The following GNAO1 variants were observed in gnomAD, a reference collection of about 807,000 sequenced individuals.
The protein encoded by GNAO1 is guanine nucleotide-binding protein G(o) subunit alpha.
For missense variants in GNAO1, 166 were observed against 478.7 expected (o/e 0.35, Z 6.10); for synonymous variants, 164 against 180.7 (o/e 0.91, Z 0.74).
intron 3 of GNAO1, among the ~76,000 whole-genome samples, chr16:56,318,447 C>T (rs1377015726): frequency 2.0e-5 from 3 of 152,320 alleles, no homozygotes; most frequent in Admixed American, 2.0e-4. Context: ...TCTGGCTCGG[C>T]GGGTCCAGCT....
intron 2 of GNAO1, among the ~76,000 whole-genome samples, chr16:56,268,225 A>G (rs1255710178): frequency 6.6e-6 from 1 of 152,234 alleles, no homozygotes; most frequent in Non-Finnish European, 1.5e-5. Context: ...GTGGCAAAGG[A>G]GGCAGGGAAA....
chr16:56,314,656 G>C (rs1425496378), intron 3 of GNAO1, among the ~76,000 whole-genome samples: 1 of 152,204 alleles, frequency 6.6e-6, no homozygotes, highest in East Asian at 1.9e-4. Flanking sequence ...CGAGTCCAGC[G>C]CCGGCGCCTG....
At chr16:56,349,729 G>T (rs1420658635) in intron 6 of GNAO1, among the ~76,000 whole-genome samples, 1 of 152,184 alleles carries the variant, frequency 6.6e-6, no homozygotes, top group African/African-American at 2.4e-5. Context: ...AGCTGTCCAG[G>T]TGCCCCTGAG....
intron 3 of GNAO1, among the ~76,000 whole-genome samples, chr16:56,285,285 G>A (rs1484212072): frequency 6.7e-6 from 1 of 149,422 alleles, no homozygotes. Flanking sequence ...TAATGACTCT[G>A]CTCTGATGGT....
chr16:56,243,680 G>A (rs1274316036), intron 2 of GNAO1, among the ~76,000 whole-genome samples: 2 of 148,158 alleles, frequency 1.3e-5, no homozygotes, highest in African/African-American at 2.6e-5. Context: ...GAGGCTACAG[G>A]GTTATTTTTT....
intron 2 of GNAO1, among the ~76,000 whole-genome samples, chr16:56,211,746 C>G (rs193192356): frequency 6.6e-6 from 1 of 152,182 alleles, no homozygotes; most frequent in African/African-American, 2.4e-5. Flanking sequence ...AATTTATGGT[C>G]GCAGTGCTTC....
intron 6 of GNAO1, chr16:56,345,194 C>T: frequency 4.1e-6 from 4 of 985,776 alleles, no homozygotes; most frequent in Non-Finnish European, 4.8e-6. Context: ...GCAACCAACA[C>T]ACCTCTCCCA....
At chr16:56,241,095 G>T (rs1409873208) in intron 2 of GNAO1, among the ~76,000 whole-genome samples, 1 of 152,246 alleles carries the variant, frequency 6.6e-6, no homozygotes, top group African/African-American at 2.4e-5. Flanking sequence ...GAACCAAGCA[G>T]TCCTGCCACT....
intron 2 of GNAO1, among the ~76,000 whole-genome samples, chr16:56,214,850 C>G (rs1221575131): frequency 6.6e-6 from 1 of 152,260 alleles, no homozygotes; most frequent in African/African-American, 2.4e-5. Flanking sequence ...GGCCTGGGCC[C>G]CCTCACTGCC....
chr16:56,349,308 GCTCT>G (rs1267306341), intron 6 of GNAO1, among the ~76,000 whole-genome samples: 1 of 152,208 alleles, frequency 6.6e-6, no homozygotes, highest in Non-Finnish European at 1.5e-5. Context: ...TGGGTTTCCA[GCTCT>G]CTGTTAGGCA....
intron 3 of GNAO1, among the ~76,000 whole-genome samples, chr16:56,295,622 TC>T (rs2037280202): frequency 6.6e-6 from 1 of 152,150 alleles, no homozygotes; most frequent in Non-Finnish European, 1.5e-5. Flanking sequence ...GACTCCTCCT[TC>T]CCCTCCATGT....
At chr16:56,266,924 T>A (rs1344865251) in intron 2 of GNAO1, among the ~76,000 whole-genome samples, 2 of 152,148 alleles carry the variant, frequency 1.3e-5, no homozygotes, top group African/African-American at 4.8e-5. Flanking sequence ...TTTGGGCTGC[T>A]GCAGTTCCTA....
intron 2 of GNAO1, among the ~76,000 whole-genome samples, chr16:56,256,347 C>G (rs1264024930): frequency 6.6e-6 from 1 of 152,162 alleles, no homozygotes; most frequent in Non-Finnish European, 1.5e-5. Flanking sequence ...TTTCTACCTG[C>G]GCTCCATTAC....
intron 3 of GNAO1, among the ~76,000 whole-genome samples, chr16:56,304,016 C>G (rs1353645747): frequency 6.6e-6 from 1 of 152,210 alleles, no homozygotes; most frequent in Admixed American, 6.5e-5. Context: ...CCTACCAAGC[C>G]CTACCAAGTT....
chr16:56,228,574 G>T (rs1401359399), intron 2 of GNAO1, among the ~76,000 whole-genome samples: 2 of 152,034 alleles, frequency 1.3e-5, no homozygotes, highest in African/African-American at 4.8e-5. Context: ...TGCCCCTATG[G>T]ATCCTGACTC....
At chr16:56,293,183 T>A (rs2143564355) in intron 3 of GNAO1, among the ~76,000 whole-genome samples, 1 of 152,350 alleles carries the variant, frequency 6.6e-6, no homozygotes, top group Non-Finnish European at 1.5e-5. Context: ...GAAGAAGAGA[T>A]GAAATACTTT....
chr16:56,321,928 G>T (rs530742596), intron 3 of GNAO1, among the ~76,000 whole-genome samples: 1 of 152,216 alleles, frequency 6.6e-6, no homozygotes, highest in Non-Finnish European at 1.5e-5. Context: ...AATACCATAA[G>T]CTGGGTGGCT....
intron 2 of GNAO1, among the ~76,000 whole-genome samples, chr16:56,237,157 C>G (rs2036645332): frequency 6.6e-6 from 1 of 152,164 alleles, no homozygotes; most frequent in Non-Finnish European, 1.5e-5. Flanking sequence ...AGGTAAGTCT[C>G]TCTTATAATT....
intron 2 of GNAO1, among the ~76,000 whole-genome samples, chr16:56,243,959 G>T (rs1383642626): frequency 6.6e-6 from 1 of 152,186 alleles, no homozygotes; most frequent in African/African-American, 2.4e-5. Context: ...AGGCAGAGTT[G>T]CCCAGGGCAC....
Sources: allele counts gnomAD v4.1 joint callset (sites outside exome capture counted in the v4.1 genomes callset), GRCh38; gene constraint gnomAD v4.1.1; transcripts MANE v1.5; gene names NCBI Gene and HGNC (gene_info 2026-07-23, HGNC 2026-07-21).